The following SLC36A1 variants were observed in gnomAD, a reference collection of about 807,000 sequenced individuals.
SLC36A1 encodes the protein proton-coupled amino acid transporter 1.
A neutral mutation model predicts 47.5 loss-of-function variants in SLC36A1; 30 were observed. The ratio of observed to expected loss-of-function variants is 0.63; its 90% CI spans 0.47 to 0.86. SLC36A1 has a LOEUF of 0.86. SLC36A1 is among the 40% of genes least tolerant of loss of function. The probability of loss-of-function intolerance (pLI) is 0.00; values close to 1 mark genes in which losing one functional copy is unlikely to be tolerated. For synonymous variants in SLC36A1, 255 were observed against 249.7 expected (o/e 1.02, Z -0.20); for missense variants, 517 against 606.0 (o/e 0.85, Z 1.54).
chr5:151,375,703 T>A, the SLC36A1 span, among the ~76,000 whole-genome samples: 2 of 152,194 alleles, frequency 1.3e-5, no homozygotes, highest in Non-Finnish European at 2.9e-5. Context: ...TGTAGAGATC[T>A]TTCACCTCCT....
the SLC36A1 span, chr5:151,505,890 C>T: frequency 4.5e-4 from 724 of 1,603,036 alleles, 1 homozygote; most frequent in African/African-American, 4.7e-3. Context: ...GTTGCTGTAA[C>T]GGGGTGGGAG....
chr5:151,431,862 C>G, the SLC36A1 span, among the ~76,000 whole-genome samples: 1 of 152,258 alleles, frequency 6.6e-6, no homozygotes, highest in East Asian at 1.9e-4. Flanking sequence ...AGGCTGTGAG[C>G]AAGAATAGCT....
intron 4 of SLC36A1, 81 bp downstream of exon 4, chr5:151,464,683 G>T (rs1756075568): frequency 5.3e-6 from 6 of 1,138,604 alleles, no homozygotes; most frequent in Non-Finnish European, 1.3e-6. Context: ...GAGCACTGAT[G>T]CAGACCACTC....
the SLC36A1 span, among the ~76,000 whole-genome samples, chr5:151,412,190 G>C: frequency 2.8e-5 from 4 of 144,712 alleles, 1 homozygote; most frequent in African/African-American, 1.0e-4. Context: ...TGTAAGGAAT[G>C]TCTCAAGATA....
At chr5:151,420,348 T>G in the SLC36A1 span, among the ~76,000 whole-genome samples, 1 of 152,158 alleles carries the variant, frequency 6.6e-6, no homozygotes, top group African/African-American at 2.4e-5. Flanking sequence ...CTTTGGCCCA[T>G]GGCGGGCAGG....
chr5:151,461,024 G>C (rs1182292232), intron 2 of SLC36A1, among the ~76,000 whole-genome samples: 1 of 151,690 alleles, frequency 6.6e-6, no homozygotes, highest in Non-Finnish European at 1.5e-5. Flanking sequence ...GTCTTGCTCT[G>C]TTGTCCAGGC....
At chr5:151,493,337 G>T (rs1443075666), downstream of SLC36A1, among the ~76,000 whole-genome samples, 1 of 152,114 alleles carries the variant, frequency 6.6e-6, no homozygotes. Context: ...CCTGCCTGAA[G>T]ATGGCATCAG....
the SLC36A1 span, chr5:151,549,430 G>T: frequency 2.5e-6 from 4 of 1,613,960 alleles, no homozygotes; most frequent in South Asian, 3.3e-5. Context: ...AAGCGGGGTG[G>T]GTGGAGGTTT....
chr5:151,509,187 A>G, the SLC36A1 span, among the ~76,000 whole-genome samples: 26 of 152,336 alleles, frequency 1.7e-4, 1 homozygote, highest in Admixed American at 1.3e-3. Flanking sequence ...GAGTGAGAGA[A>G]TAAGCACTTC....
the SLC36A1 span, chr5:151,527,943 G>C: frequency 3.1e-6 from 5 of 1,592,580 alleles, no homozygotes; most frequent in Non-Finnish European, 4.3e-6. Flanking sequence ...CCTGCAGTGG[G>C]ACTGTGTCTC....
chr5:151,379,570 G>T, the SLC36A1 span, among the ~76,000 whole-genome samples: 1 of 152,180 alleles, frequency 6.6e-6, no homozygotes, highest in South Asian at 2.1e-4. Flanking sequence ...TGACCTTGGT[G>T]ATCTGCCCGC....
the SLC36A1 span, among the ~76,000 whole-genome samples, chr5:151,415,940 T>C: frequency 1.3e-5 from 2 of 152,068 alleles, no homozygotes; most frequent in Non-Finnish European, 2.9e-5. Context: ...ACCCTGTCTC[T>C]ACTAAAAATA....
downstream of SLC36A1, among the ~76,000 whole-genome samples, chr5:151,497,100 TTTTC>T (rs917295574): frequency 5.9e-5 from 9 of 152,290 alleles, no homozygotes; most frequent in African/African-American, 1.7e-4. Context: ...TGTCTATCTC[TTTTC>T]TTTCTTTCTT....
chr5:151,350,271 G>A, the SLC36A1 span, among the ~76,000 whole-genome samples: 1 of 152,146 alleles, frequency 6.6e-6, no homozygotes, highest in African/African-American at 2.4e-5. Flanking sequence ...TCTAGATGAG[G>A]TGTGTTACAT....
chr5:151,378,052 CA>C, the SLC36A1 span: 1 of 295,860 alleles, frequency 3.4e-6, no homozygotes, highest in African/African-American at 2.2e-5. Flanking sequence ...AGCTGTTGAG[CA>C]AGGGTGATGT....
At chr5:151,506,087 G>T in the SLC36A1 span, 1 of 1,518,540 alleles carries the variant, frequency 6.6e-7, no homozygotes. Flanking sequence ...CCATGGCTCC[G>T]CCAGGGTACA....
At chr5:151,360,145 A>G in the SLC36A1 span, among the ~76,000 whole-genome samples, 478 of 152,242 alleles carry the variant, frequency 3.1e-3, 5 homozygotes, top group African/African-American at 0.011. Context: ...AAAGTGGTGG[A>G]TCCTCAACAG....
rs1042830339 is a variant in SLC36A1 at position 151,488,428 on chromosome 5, G to A, written c.*174G>A. 10 of 797,542 alleles carry A rather than the reference G, an allele frequency of 1.3e-5. No individual in the cohort carries two copies. The African/African-American group carries it at 1.6e-4, about 13-fold the overall frequency. The allele number at this position is 797,542 out of a possible 1,614,324, so 49.4% of individuals were successfully genotyped here. Reference sequence around the variant, plus strand: ...CAGGTAACCTGAGGGCAGGGGAGAGGTGGGGTGGCAGACACGCAGAAGTGC... The same window carrying A: ...CAGGTAACCTGAGGGCAGGGGAGAGATGGGGTGGCAGACACGCAGAAGTGC... On this transcript the variant is annotated 3_prime_UTR_variant, in exon 11 of 11. Coordinates refer to ENST00000243389, the MANE Select transcript of SLC36A1 (RefSeq NM_078483.4).
At chr5:151,356,041 C>A in the SLC36A1 span, among the ~76,000 whole-genome samples, 1 of 151,974 alleles carries the variant, frequency 6.6e-6, no homozygotes, top group South Asian at 2.1e-4. Context: ...TATTTTGTAA[C>A]AAAATTAAAA....
Sources: gnomAD v4.1 joint callset for allele counts (sites outside exome capture counted in the v4.1 genomes callset) on GRCh38, gnomAD v4.1.1 for gene constraint, MANE v1.5 for transcripts, NCBI Gene and HGNC (gene_info 2026-07-23, HGNC 2026-07-21) for gene names.